The following GABRB3 variants were observed in gnomAD, a reference collection of about 807,000 sequenced individuals.
The protein encoded by GABRB3 is gamma-aminobutyric acid type A receptor subunit beta3.
A neutral mutation model predicts 52.1 loss-of-function variants in GABRB3; 14 were observed. The observed-to-expected ratio is 0.27, with a 90% CI of 0.18 to 0.42. GABRB3 has a LOEUF of 0.42. Among genes scored for constraint, GABRB3 ranks in the 10% least tolerant of loss-of-function variants. GABRB3 has a pLI of 1.00. For synonymous variants in GABRB3, 260 were observed against 232.3 expected (o/e 1.12, Z -1.08); for missense variants, 307 against 609.1 (o/e 0.50, Z 5.22).
chr15:26,616,078 G>A, intron 4 of GABRB3: 1 of 1,289,096 alleles, frequency 7.8e-7, no homozygotes, highest in Non-Finnish European at 1.0e-6. Context: ...CCAAAAAGAT[G>A]CAATGCATTG....
chr15:26,705,971 T>G (rs921859115), intron 3 of GABRB3, among the ~76,000 whole-genome samples: 4 of 152,138 alleles, frequency 2.6e-5, no homozygotes, highest in Non-Finnish European at 5.9e-5. Context: ...GGTTCCAGGA[T>G]CCACCGAAGC....
intron 3 of GABRB3, among the ~76,000 whole-genome samples, chr15:26,752,559 G>A (rs750880136): frequency 7.9e-5 from 12 of 151,998 alleles, no homozygotes; most frequent in East Asian, 1.9e-4. Flanking sequence ...CACCGCGCCC[G>A]GCCCCTCTCC....
intron 3 of GABRB3, among the ~76,000 whole-genome samples, chr15:26,712,762 C>T (rs990460485): frequency 1.3e-5 from 2 of 152,098 alleles, no homozygotes; most frequent in Non-Finnish European, 2.9e-5. Flanking sequence ...CCACGGCCAC[C>T]TCGGGAAGGT....
chr15:26,734,286 C>T (rs965301285), intron 3 of GABRB3, among the ~76,000 whole-genome samples: 4 of 151,934 alleles, frequency 2.6e-5, no homozygotes, highest in African/African-American at 9.7e-5. Flanking sequence ...CTGCCTCGGC[C>T]TCCCAAAGTC....
intron 4 of GABRB3, among the ~76,000 whole-genome samples, chr15:26,587,129 C>T (rs970913285): frequency 1.3e-5 from 2 of 152,130 alleles, no homozygotes; most frequent in Non-Finnish European, 1.5e-5. Context: ...ATTCATAAAT[C>T]GTAACATCAT....
chr15:26,770,057 T>C (rs904008425), intron 3 of GABRB3, among the ~76,000 whole-genome samples: 3 of 152,244 alleles, frequency 2.0e-5, no homozygotes, highest in Admixed American at 6.5e-5. Context: ...CGTGAGTCCC[T>C]AAATATTTAA....
intron 3 of GABRB3, among the ~76,000 whole-genome samples, chr15:26,708,950 T>C (rs1374629357): frequency 1.3e-5 from 2 of 152,350 alleles, no homozygotes; most frequent in East Asian, 3.9e-4. Flanking sequence ...GCTATTACTA[T>C]TAGTACTGCA....
chr15:26,714,149 C>G (rs1238909723), intron 3 of GABRB3, among the ~76,000 whole-genome samples: 1 of 152,226 alleles, frequency 6.6e-6, no homozygotes, highest in Non-Finnish European at 1.5e-5. Context: ...GACAAATCAC[C>G]TATTTTCCCT....
intron 3 of GABRB3, among the ~76,000 whole-genome samples, chr15:26,749,702 A>C (rs900025478): frequency 6.6e-6 from 1 of 152,140 alleles, no homozygotes; most frequent in Admixed American, 6.5e-5. Flanking sequence ...ATTATCAAAA[A>C]GTTTTTTGTG....
At chr15:26,593,329 A>G (rs56905330) in intron 4 of GABRB3, among the ~76,000 whole-genome samples, 465 of 152,368 alleles carry the variant, frequency 3.1e-3, no homozygotes, top group African/African-American at 0.011. Context: ...TACACACAAT[A>G]TAAAATGTAC....
At chr15:26,604,053 A>C (rs1317317088) in intron 4 of GABRB3, among the ~76,000 whole-genome samples, 1 of 152,156 alleles carries the variant, frequency 6.6e-6, no homozygotes, top group African/African-American at 2.4e-5. Context: ...CTATTTGTTT[A>C]CTGCTAAATT....
chr15:26,641,066 CA>C (rs1893187150), intron 3 of GABRB3, among the ~76,000 whole-genome samples: 1 of 152,164 alleles, frequency 6.6e-6, no homozygotes, highest in African/African-American at 2.4e-5. Flanking sequence ...TGCCCTGGCT[CA>C]AAATCCAACA....
chr15:26,754,678 A>G (rs1890608925), intron 3 of GABRB3, among the ~76,000 whole-genome samples: 1 of 152,132 alleles, frequency 6.6e-6, no homozygotes, highest in South Asian at 2.1e-4. Flanking sequence ...AAAGTAAACT[A>G]ATGGTTCACT....
At chr15:26,548,305 T>G (rs921340123) in intron 8 of GABRB3, among the ~76,000 whole-genome samples, 171 bp from the exon 9 acceptor site, 3 of 152,190 alleles carry the variant, frequency 2.0e-5, no homozygotes, top group Admixed American at 1.3e-4. Flanking sequence ...GGAGGTTAAT[T>G]GCAGTTGAGA....
At chr15:26,593,145 A>C (rs1161010213) in intron 4 of GABRB3, among the ~76,000 whole-genome samples, 1 of 152,226 alleles carries the variant, frequency 6.6e-6, no homozygotes, top group African/African-American at 2.4e-5. Flanking sequence ...AGGAGAGGGC[A>C]AACTTGTAAA....
At chr15:26,617,934 A>C (rs1260446323) in intron 4 of GABRB3, among the ~76,000 whole-genome samples, 11 of 151,990 alleles carry the variant, frequency 7.2e-5, no homozygotes, top group Non-Finnish European at 1.6e-4. Context: ...AAGAGAATAA[A>C]ACACCTAGGA....
intron 3 of GABRB3, among the ~76,000 whole-genome samples, chr15:26,685,526 C>T (rs989312175): frequency 2.0e-5 from 3 of 151,754 alleles, no homozygotes; most frequent in South Asian, 2.1e-4. Flanking sequence ...ACCCCATATA[C>T]GAGTACAAAA....
At chr15:26,702,614 T>C (rs1283105161) in intron 3 of GABRB3, among the ~76,000 whole-genome samples, 2 of 152,148 alleles carry the variant, frequency 1.3e-5, no homozygotes, top group African/African-American at 4.8e-5. Flanking sequence ...GATGAGAACA[T>C]AAAATGATAC....
At chr15:26,752,229 TTTTA>T (rs3078706) in intron 3 of GABRB3, among the ~76,000 whole-genome samples, 32,952 of 140,152 alleles carry the variant, frequency 0.24, 4,180 homozygotes, top group African/African-American at 0.33. Flanking sequence ...GCTCTCTTTA[TTTTA>T]TTTATTTATT....
Sources: allele counts gnomAD v4.1 joint callset (sites outside exome capture counted in the v4.1 genomes callset), GRCh38; gene constraint gnomAD v4.1.1; transcripts MANE v1.5; gene names NCBI Gene and HGNC (gene_info 2026-07-23, HGNC 2026-07-21).